The following PLPPR1 variants were observed in gnomAD, a reference collection of about 807,000 sequenced individuals.
PLPPR1 encodes phospholipid phosphatase related 1.
Under a neutral mutation model 33.1 loss-of-function variants are expected in PLPPR1, and 10 were observed. The ratio of observed to expected loss-of-function variants is 0.30; its 90% CI spans 0.19 to 0.51. PLPPR1 has a LOEUF of 0.51. PLPPR1 is among the 20% of genes least tolerant of loss of function. PLPPR1 has a pLI of 0.97. For synonymous variants in PLPPR1, 151 were observed against 151.0 expected (o/e 1.00, Z 0.00); for missense variants, 304 against 408.1 (o/e 0.74, Z 2.20).
At chr9:101,194,222 A>C (rs1826353001) in intron 2 of PLPPR1, among the ~76,000 whole-genome samples, 1 of 152,350 alleles carries the variant, frequency 6.6e-6, no homozygotes, top group East Asian at 1.9e-4. Flanking sequence ...TAATTGCTCA[A>C]GTACTTACAA....
intron 2 of PLPPR1, 109 bp from the exon 3 acceptor site, chr9:101,269,771 C>T: frequency 4.8e-6 from 5 of 1,045,028 alleles, no homozygotes; most frequent in Non-Finnish European, 7.4e-6. Flanking sequence ...CTCGCCAATA[C>T]CAATATCAGG....
intron 2 of PLPPR1, among the ~76,000 whole-genome samples, chr9:101,193,452 G>C (rs2118732384): frequency 6.6e-6 from 1 of 152,250 alleles, no homozygotes; most frequent in Non-Finnish European, 1.5e-5. Flanking sequence ...CTATAAAATG[G>C]TAATGATAAC....
chr9:101,043,362 T>C (rs577168232), intron 1 of PLPPR1, among the ~76,000 whole-genome samples: 2 of 151,640 alleles, frequency 1.3e-5, no homozygotes, highest in East Asian at 3.9e-4. Context: ...TATGTGTATG[T>C]ATATACATAT....
chr9:101,253,025 AGT>A (rs1183641990), intron 2 of PLPPR1, among the ~76,000 whole-genome samples: 3 of 152,094 alleles, frequency 2.0e-5, no homozygotes, highest in African/African-American at 7.2e-5. Flanking sequence ...ATTTGAGATA[AGT>A]GTGATTTTAA....
rs946562990 is a variant in PLPPR1 at position 101,306,932 on chromosome 9, T to C, written c.386-2279T>C. Among the ~76,000 whole-genome samples, 4 of 152,154 alleles carry C rather than the reference T, an allele frequency of 2.6e-5. No homozygotes were observed. The East Asian group carries it at 7.7e-4, about 29-fold the overall frequency. ...AGGGTGAAGTAAGAGAGAGATGGCT[T>C]GAGTTCCTTTGGAAAAGCCCTGTAT... On this transcript the variant is annotated intron_variant, in intron 4 of 7. Transcript: ENST00000374874.
intron 1 of PLPPR1, among the ~76,000 whole-genome samples, chr9:101,109,729 A>G (rs1434903532): frequency 6.6e-6 from 1 of 152,216 alleles, no homozygotes; most frequent in Admixed American, 6.5e-5. Flanking sequence ...TCCCAGGATA[A>G]TCGCTGTTAG....
chr9:101,099,292 G>A (rs975899203), intron 1 of PLPPR1, among the ~76,000 whole-genome samples: 9 of 152,166 alleles, frequency 5.9e-5, no homozygotes, highest in African/African-American at 2.2e-4. Context: ...AGCACTGTTT[G>A]TCTGCGTCTG....
intron 1 of PLPPR1, among the ~76,000 whole-genome samples, chr9:101,095,148 C>G (rs540841201): frequency 1.3e-5 from 2 of 152,328 alleles, no homozygotes; most frequent in South Asian, 4.1e-4. Flanking sequence ...GTTTTCCAAG[C>G]TCAATAGTCT....
intron 3 of PLPPR1, among the ~76,000 whole-genome samples, chr9:101,280,897 A>G (rs1828285581): frequency 6.6e-6 from 1 of 152,124 alleles, no homozygotes; most frequent in Admixed American, 6.5e-5. Context: ...CTGTTATTCA[A>G]TATAGGACTG....
intron 2 of PLPPR1, among the ~76,000 whole-genome samples, chr9:101,195,725 G>C (rs1461431773): frequency 6.6e-6 from 1 of 152,144 alleles, no homozygotes. Flanking sequence ...TCTGCCACCT[G>C]CTTTGTGTTG....
chr9:101,113,668 AC>A (rs1831085555), intron 1 of PLPPR1, among the ~76,000 whole-genome samples: 1 of 152,164 alleles, frequency 6.6e-6, no homozygotes, highest in South Asian at 2.1e-4. Flanking sequence ...AAACCAAAAA[AC>A]AGTCTATTTT....
At chr9:101,289,922 T>C (rs1383714337) in intron 4 of PLPPR1, among the ~76,000 whole-genome samples, 5 of 152,240 alleles carry the variant, frequency 3.3e-5, no homozygotes, top group Non-Finnish European at 5.9e-5. Flanking sequence ...GCCTTCTGTT[T>C]AATTAACTTT....
At position 101,161,971 on chromosome 9, in the gene PLPPR1, C is replaced by T. The variant is rs186206294; in HGVS notation, c.-45-23479C>T. Among the ~76,000 whole-genome samples, 21 of 152,084 alleles carry T rather than the reference C, an allele frequency of 1.4e-4. No homozygotes were observed. In the East Asian group the frequency reaches 4.1e-3, roughly 29 times the overall value. On this transcript the variant is annotated intron_variant, in intron 1 of 7. Transcript: ENST00000374874. Reference sequence around the variant, plus strand: ...AGCATTGTATAGGATAAGGAGCTAGCACGGTAAAGTAGGAAGCCCTCTGAC... The same window carrying T: ...AGCATTGTATAGGATAAGGAGCTAGTACGGTAAAGTAGGAAGCCCTCTGAC...
chr9:101,302,195 C>A (rs1355854440), intron 4 of PLPPR1, among the ~76,000 whole-genome samples: 3 of 152,164 alleles, frequency 2.0e-5, no homozygotes, highest in Non-Finnish European at 2.9e-5. Context: ...TCATGGTGAG[C>A]ATTAGGTGAA....
chr9:101,232,087 T>G (rs1827197686), intron 2 of PLPPR1, among the ~76,000 whole-genome samples: 1 of 152,114 alleles, frequency 6.6e-6, no homozygotes, highest in East Asian at 1.9e-4. Context: ...AAGGCCTAAG[T>G]GCAGCCACAA....
At chr9:101,115,748 T>C (rs2118584405) in intron 1 of PLPPR1, among the ~76,000 whole-genome samples, 1 of 152,306 alleles carries the variant, frequency 6.6e-6, no homozygotes, top group Admixed American at 6.5e-5. Context: ...ATTTCTTGCT[T>C]TCTTTATACT....
intron 2 of PLPPR1, among the ~76,000 whole-genome samples, chr9:101,241,720 G>A (rs1217078145): frequency 6.6e-6 from 1 of 152,042 alleles, no homozygotes; most frequent in African/African-American, 2.4e-5. Context: ...GCTAACAGCT[G>A]GAGGGTGCCA....
intron 1 of PLPPR1, chr9:101,185,116 A>G: frequency 5.8e-6 from 1 of 173,058 alleles, no homozygotes; most frequent in Non-Finnish European, 1.2e-5. Context: ...AAAGTTTTAT[A>G]CCAAAAATTG....
At chr9:101,130,800 A>G (rs1190178079) in intron 1 of PLPPR1, among the ~76,000 whole-genome samples, 2 of 152,232 alleles carry the variant, frequency 1.3e-5, no homozygotes, top group Non-Finnish European at 2.9e-5. Context: ...AGGATAATAC[A>G]GAGAAAGTGT....
Sources: gnomAD v4.1 joint callset for allele counts (sites outside exome capture counted in the v4.1 genomes callset) on GRCh38, gnomAD v4.1.1 for gene constraint, MANE v1.5 for transcripts, NCBI Gene and HGNC (gene_info 2026-07-23, HGNC 2026-07-21) for gene names.